SPINK5: variants seen among roughly 807,000 people sequenced by gnomAD.
SPINK5 encodes serine protease inhibitor Kazal-type 5.
SPINK5 carries 125 observed loss-of-function variants against 151.8 expected under a neutral mutation model. That is an observed-to-expected ratio of 0.82 (90% CI 0.71 to 0.96). The LOEUF (loss-of-function observed/expected upper bound fraction) is 0.96. Among genes scored for constraint, SPINK5 ranks in the 40% least tolerant of loss-of-function variants. SPINK5 has a pLI of 0.00. For missense variants in SPINK5, 1,194 were observed against 1,291.9 expected (o/e 0.92, Z 1.16); for synonymous variants, 374 against 395.3 (o/e 0.95, Z 0.64).
At chr5:148,136,169 CATT>C (rs1754689919) in intron 32 of SPINK5, among the ~76,000 whole-genome samples, 1 of 152,050 alleles carries the variant, frequency 6.6e-6, no homozygotes. Context: ...GTTGAGAAGG[CATT>C]ATCTCAATTA....
intron 15 of SPINK5, among the ~76,000 whole-genome samples, chr5:148,103,969 G>A (rs1451750099): frequency 6.6e-6 from 1 of 152,060 alleles, no homozygotes; most frequent in Non-Finnish European, 1.5e-5. Flanking sequence ...AACACTGTTA[G>A]TTATCCAAAA....
intron 28 of SPINK5, 139 bp downstream of exon 28, chr5:148,124,976 G>A (rs2303075): frequency 8.0e-7 from 1 of 1,247,248 alleles, no homozygotes; most frequent in Non-Finnish European, 1.0e-6. Flanking sequence ...TTGTCACTTT[G>A]TATCATAACA....
In SPINK5 at chr5:148,080,970, T is replaced by C. The variant is rs1479057024; in HGVS notation, c.283-5435T>C. On this transcript the variant is annotated intron_variant, in intron 4 of 32. Transcript: ENST00000256084. ...TATAAGGAGACAATTCAATTAAGTA[T>C]AGATATTACACCAAAGATATATGAA... 5.9e-5 allele frequency among the ~76,000 whole-genome samples: 9 copies of C among 151,548 alleles called. No homozygotes were observed. In the South Asian group the frequency reaches 1.0e-3, roughly 17 times the overall value.
chr5:148,100,499 G>T lies in SPINK5; in HGVS notation c.1138G>T (p.Ala380Ser). 1 of 1,613,126 alleles carries T rather than the reference G, an allele frequency of 6.2e-7. No individual in the cohort carries two copies. Among genetic ancestry groups the T allele is most frequent in the African/African-American group, 1.3e-5 (1 of 74,960 alleles). The change falls in exon 13 of 33, where the codon GCT (alanine) becomes TCT (serine). Residue 380 changes from alanine (A) to serine (S), a missense_variant. Ala to Ser is a moderately conservative substitution (Grantham distance 99, BLOSUM62 1). Transcript: ENST00000256084. ...AAAGCTTGTGAGGAACGGAAAACTT[G>T]CTTGCACCAGAGAGAACGATCCTAT... is the stretch of plus-strand genomic sequence containing the variant. ...YRKLVRNGKL[A>S]CTRENDPIQG...
At chr5:148,070,034 T>C (rs912627863) in intron 2 of SPINK5, among the ~76,000 whole-genome samples, 44 of 152,082 alleles carry the variant, frequency 2.9e-4, no homozygotes, top group Admixed American at 2.9e-3. Context: ...GTACTAGGTA[T>C]TTTATATGTG....
At chr5:148,088,435 G>C in intron 5 of SPINK5, 107 bp from the exon 6 acceptor site, 1 of 958,374 alleles carries the variant, frequency 1.0e-6, no homozygotes, top group South Asian at 1.4e-5. Context: ...TGTGGCAGCT[G>C]TTTTCGGGAG....
At chr5:148,120,208 A>C in intron 25 of SPINK5, 72 bp downstream of exon 25, 1 of 1,612,412 alleles carries the variant, frequency 6.2e-7, no homozygotes, top group Non-Finnish European at 8.5e-7. Flanking sequence ...CCAGTTTGGG[A>C]AAATGACAAT....
intron 2 of SPINK5, 46 bp downstream of exon 2, chr5:148,065,418 A>T: frequency 1.2e-6 from 2 of 1,609,180 alleles, no homozygotes; most frequent in Non-Finnish European, 1.7e-6. Context: ...CAAGATTCCC[A>T]AAGAAAAGTG....
At chr5:148,122,866 A>ATTTTTTTT (rs111936279) in intron 26 of SPINK5, among the ~76,000 whole-genome samples, 1 of 127,844 alleles carries the variant, frequency 7.8e-6, no homozygotes, top group African/African-American at 3.0e-5. Context: ...TCGCACAATA[A>ATTTTTTTT]TTTTTTTTTT....
At chr5:148,064,161 C>A (rs974031410) in intron 1 of SPINK5, 62 bp downstream of exon 1, 109 of 1,591,614 alleles carry the variant, frequency 6.8e-5, no homozygotes, top group Middle Eastern at 1.7e-4. Context: ...GGGGAAGGGA[C>A]TTTTCTCCCC....
At chr5:148,111,714 T>C in intron 18 of SPINK5, 54 bp from the exon 19 acceptor site, 1 of 1,613,026 alleles carries the variant, frequency 6.2e-7, no homozygotes, top group Non-Finnish European at 8.5e-7. Context: ...TGGAGGAAGA[T>C]TTCTAGTGTT....
At chr5:148,074,473 A>G (rs1752829217) in intron 4 of SPINK5, among the ~76,000 whole-genome samples, 1 of 151,730 alleles carries the variant, frequency 6.6e-6, no homozygotes, top group Non-Finnish European at 1.5e-5. Context: ...TAGGTTGCCA[A>G]CTTTATAGAA....
chr5:148,136,873 A>C, intron 32 of SPINK5, 110 bp from the exon 33 acceptor site: 4 of 1,384,198 alleles, frequency 2.9e-6, no homozygotes, highest in Non-Finnish European at 4.1e-6. Flanking sequence ...TTCTTTGCAG[A>C]ATGCAGGATC....
At chr5:148,119,086 A>C (rs1754182227) in intron 24 of SPINK5, 28 bp downstream of exon 24, 10 of 1,607,402 alleles carry the variant, frequency 6.2e-6, no homozygotes, top group Non-Finnish European at 8.5e-6. Context: ...TTTTGGCAAG[A>C]ATCGTCTTTC....
chr5:148,115,083 G>A (rs1358732746), intron 21 of SPINK5, among the ~76,000 whole-genome samples: 1 of 152,142 alleles, frequency 6.6e-6, no homozygotes, highest in African/African-American at 2.4e-5. Flanking sequence ...ATACAAAGGA[G>A]GGACTGTTGA....
At chr5:148,114,521 A>G in intron 21 of SPINK5, 32 bp downstream of exon 21, 1 of 1,611,800 alleles carries the variant, frequency 6.2e-7, no homozygotes, top group South Asian at 1.1e-5. Flanking sequence ...CTACTGTGGG[A>G]TGGTGGAATT....
At chr5:148,085,668 G>A (rs1318774970) in intron 4 of SPINK5, among the ~76,000 whole-genome samples, 1 of 151,780 alleles carries the variant, frequency 6.6e-6, no homozygotes, top group Non-Finnish European at 1.5e-5. Flanking sequence ...TTTACCATCA[G>A]GTTTGTTCCT....
rs1184323992 is a variant in SPINK5 at position 148,099,195 on chromosome 5, T to G, written c.1011-39T>G. 1.9e-6 allele frequency: 3 copies of G among 1,563,258 alleles called. No individual in the cohort carries two copies. In the East Asian group the frequency reaches 6.9e-5, roughly 36 times the overall value. ...ATGTGGAGAAATCATGGCATGTGTT[T>G]GTTCCTAATGGATCTGCTTCTTTTT... On this transcript the variant is annotated intron_variant, in intron 11 of 32. Transcript: ENST00000256084.
intron 3 of SPINK5, 42 bp from the exon 4 acceptor site, chr5:148,072,106 G>C (rs554483986): frequency 8.9e-6 from 14 of 1,581,544 alleles, no homozygotes; most frequent in Non-Finnish European, 1.2e-5. Context: ...TAAAAGTTGA[G>C]CAAACAATGT....
Sources: gnomAD v4.1 joint callset for allele counts (sites outside exome capture counted in the v4.1 genomes callset) on GRCh38, gnomAD v4.1.1 for gene constraint, MANE v1.5 for transcripts, NCBI Gene and HGNC (gene_info 2026-07-23, HGNC 2026-07-21) for gene names.